Variants in PEBP4 observed in about 807,000 individuals in gnomAD.
PEBP4 encodes phosphatidylethanolamine-binding protein 4.
A neutral mutation model predicts 23.9 loss-of-function variants in PEBP4; 22 were observed. The ratio of observed to expected loss-of-function variants is 0.92; its 90% confidence interval spans 0.66 to 1.31. The LOEUF (loss-of-function observed/expected upper bound fraction) is 1.31, where lower values mean the gene tolerates loss of function less well. PEBP4 is among the 40% of genes most tolerant of loss of function. The pLI is 0.00. For missense variants in PEBP4, 324 were observed against 281.7 expected, an observed-to-expected ratio of 1.15 and a Z score of -1.07; for synonymous variants, 112 against 99.3, an observed-to-expected ratio of 1.13 and a Z score of -0.76.
chr8:22,921,987 C>T (rs77490608), intron 2 of PEBP4, among the ~76,000 whole-genome samples: 3,239 of 152,312 alleles, frequency 0.021, 55 homozygotes, highest in Non-Finnish European at 0.035. Context: ...ACGCCCATAA[C>T]CCCTCTCCCC....
intron 3 of PEBP4, among the ~76,000 whole-genome samples, chr8:22,907,075 A>G (rs1038306623): frequency 1.6e-4 from 24 of 152,220 alleles, no homozygotes; most frequent in African/African-American, 5.5e-4. Flanking sequence ...AGAAGAAGAC[A>G]TGAGTTATGA....
chr8:22,800,291 G>T (rs886318851), intron 4 of PEBP4, among the ~76,000 whole-genome samples: 1 of 152,090 alleles, frequency 6.6e-6, no homozygotes, highest in African/African-American at 2.4e-5. Context: ...GAGACAGAAA[G>T]AGAAATAGTA....
chr8:22,781,466 C>A (rs1805913741), intron 4 of PEBP4, among the ~76,000 whole-genome samples: 1 of 152,016 alleles, frequency 6.6e-6, no homozygotes, highest in Non-Finnish European at 1.5e-5. Flanking sequence ...TTTTTGGAAA[C>A]AATTTTCTCA....
At chr8:22,887,033 CTCTTG>C (rs1808393222) in intron 3 of PEBP4, 1 of 152,028 alleles carries the variant, frequency 6.6e-6, no homozygotes, top group African/African-American at 2.4e-5. Flanking sequence ...TTCTCCTTAT[CTCTTG>C]TATTTATTTT....
rs1359448112 is a variant in PEBP4 at position 22,763,183 on chromosome 8, T to G, written c.358-35963A>C. Among the ~76,000 whole-genome samples the G allele has an allele frequency of 2.6e-5, 4 of 152,140 alleles. No homozygotes were observed. The East Asian group carries it at 5.8e-4, about 22-fold the overall frequency. On this transcript the variant is annotated intron_variant, in intron 4 of 6. Transcript: ENST00000256404. ...CCACACCCAGCTAATTTTTGTATTTTTAGTAGAGACAGGGTTTTGCCATGT... is the reference window on the plus strand; with the variant it reads ...CCACACCCAGCTAATTTTTGTATTTGTAGTAGAGACAGGGTTTTGCCATGT...
At chr8:22,839,459 T>A (rs996965619) in intron 3 of PEBP4, among the ~76,000 whole-genome samples, 39 of 152,292 alleles carry the variant, frequency 2.6e-4, no homozygotes, top group Middle Eastern at 6.8e-3. Flanking sequence ...TGGTCCTATC[T>A]GGGCCTCTGA....
chr8:22,724,925 A>G lies in PEBP4; in HGVS notation c.435T>C (p.Ser145=). 1 of 1,614,130 alleles carries G rather than the reference A, an allele frequency of 6.2e-7. No homozygotes were observed. The highest frequency in any genetic ancestry group is 8.5e-7 in the Non-Finnish European group (1 of 1,180,008). ...AYQAPSPPAH[S]GFHRYQFFVY... ...CAAAGAACTGGTAGCGATGGAAGCC[A>G]CTGTGTGCCGGTGGGGAGGGAGCCT... is the stretch of plus-strand genomic sequence containing the variant. Residue 145 remains serine, a synonymous_variant, in exon 6 of 7, where the codon AGT becomes AGC. Coordinates refer to ENST00000256404, the MANE Select transcript of PEBP4 (RefSeq NM_144962.3).
intron 4 of PEBP4, among the ~76,000 whole-genome samples, chr8:22,759,193 C>T (rs1805451577): frequency 6.6e-6 from 1 of 152,064 alleles, no homozygotes; most frequent in Admixed American, 6.5e-5. Flanking sequence ...GACTTTGTTG[C>T]TGTCAGGGGT....
chr8:22,849,076 C>T (rs1807499207), intron 3 of PEBP4, among the ~76,000 whole-genome samples: 1 of 152,200 alleles, frequency 6.6e-6, no homozygotes, highest in Non-Finnish European at 1.5e-5. Context: ...GCTTGGGACT[C>T]TCAGTTCTGT....
intron 4 of PEBP4, among the ~76,000 whole-genome samples, chr8:22,753,545 TG>T (rs1444309059): frequency 6.6e-6 from 1 of 152,232 alleles, no homozygotes; most frequent in Non-Finnish European, 1.5e-5. Context: ...GTGTTTCATG[TG>T]GACACATGAT....
At chr8:22,902,838 C>T (rs1293501014) in intron 3 of PEBP4, among the ~76,000 whole-genome samples, 1 of 152,196 alleles carries the variant, frequency 6.6e-6, no homozygotes, top group African/African-American at 2.4e-5. Context: ...AGGGAGAATG[C>T]ATTGGACATA....
chr8:22,931,873 C>T (rs1809462619), upstream of PEBP4, among the ~76,000 whole-genome samples: 2 of 152,186 alleles, frequency 1.3e-5, no homozygotes, highest in Admixed American at 6.5e-5. Flanking sequence ...TTTTCCTTAC[C>T]TATTCTGACT....
chr8:22,727,670 G>A (rs1476421234), intron 4 of PEBP4, among the ~76,000 whole-genome samples: 2 of 152,118 alleles, frequency 1.3e-5, no homozygotes, highest in Non-Finnish European at 2.9e-5. Flanking sequence ...TCTGGAGGGA[G>A]GACTCTGCTC....
rs1445668205 is a variant in PEBP4 at position 22,741,147 on chromosome 8, G to A, written c.358-13927C>T. Among the ~76,000 whole-genome samples, 4 of 152,132 alleles carry A rather than the reference G, an allele frequency of 2.6e-5. No individual in the cohort carries two copies. In the East Asian group the frequency reaches 7.7e-4, roughly 29 times the overall value. On this transcript the variant is annotated intron_variant, in intron 4 of 6. Coordinates refer to ENST00000256404, the MANE Select transcript of PEBP4 (RefSeq NM_144962.3). Reference sequence around the variant, plus strand: ...AGGTCAGGATCAACTCTAGGGCCCTGTCCCAAGCAGGAGGCCAGCAGTCAG... The same window carrying A: ...AGGTCAGGATCAACTCTAGGGCCCTATCCCAAGCAGGAGGCCAGCAGTCAG...
intron 3 of PEBP4, among the ~76,000 whole-genome samples, chr8:22,837,240 A>C (rs1252600091): frequency 1.3e-5 from 2 of 152,224 alleles, no homozygotes; most frequent in African/African-American, 2.4e-5. Flanking sequence ...TCTAACCTCT[A>C]AACCTCTCTT....
chr8:22,886,656 C>CA (rs1162442484), intron 3 of PEBP4: 4 of 152,350 alleles, frequency 2.6e-5, no homozygotes, highest in Non-Finnish European at 5.9e-5. Flanking sequence ...TGCCCCAGAG[C>CA]AGTGGCCCAG....
chr8:22,906,863 G>A (rs1008444597), intron 3 of PEBP4, among the ~76,000 whole-genome samples: 1 of 152,070 alleles, frequency 6.6e-6, no homozygotes, highest in Non-Finnish European at 1.5e-5. Context: ...GTAGGGGTGA[G>A]AATAGATAAA....
intron 3 of PEBP4, among the ~76,000 whole-genome samples, chr8:22,909,629 G>A (rs1490771729): frequency 6.6e-6 from 1 of 152,130 alleles, no homozygotes; most frequent in Non-Finnish European, 1.5e-5. Flanking sequence ...AGGATGTTCG[G>A]GGTGTACTGC....
At chr8:22,938,109 C>T (rs548040630) in intron 1 of PEBP4, among the ~76,000 whole-genome samples, 3 of 151,968 alleles carry the variant, frequency 2.0e-5, no homozygotes, top group Non-Finnish European at 2.9e-5. Flanking sequence ...AACTTTTGGG[C>T]ATCAAAGGAC....
Sources: gnomAD v4.1 joint callset for allele counts (sites outside exome capture counted in the v4.1 genomes callset) on GRCh38, gnomAD v4.1.1 for gene constraint, MANE v1.5 for transcripts, NCBI Gene and HGNC (gene_info 2026-07-23, HGNC 2026-07-21) for gene names.